The following RTN1 variants were observed in gnomAD, a reference collection of about 807,000 sequenced individuals.
RTN1 encodes the protein reticulon 1.
RTN1 carries 25 observed loss-of-function variants against 65.5 expected under a neutral mutation model. That is an observed-to-expected ratio of 0.38 (90% CI 0.28 to 0.53). The LOEUF (loss-of-function observed/expected upper bound fraction) is 0.53. Ranked by LOEUF, RTN1 falls within the 20% of genes least tolerant of loss-of-function variation. RTN1 has a pLI of 0.79. For missense variants in RTN1, 983 were observed against 1,025.4 expected (o/e 0.96, Z 0.57); for synonymous variants, 471 against 447.6 (o/e 1.05, Z -0.66).
chr14:59,825,429 C>A lies in RTN1; in HGVS notation c.241+44961G>T, dbSNP rs1486219006. Among the ~76,000 whole-genome samples the A allele has an allele frequency of 1.3e-5, 2 of 152,238 alleles. No homozygotes were observed. The highest frequency in any genetic ancestry group is 4.8e-5 in the African/African-American group (2 of 41,468). On this transcript the variant is annotated intron_variant, in intron 1 of 8. Coordinates refer to ENST00000267484, the MANE Select transcript of RTN1 (RefSeq NM_021136.3). This position sits in a 1 kb window ranked among gnomAD's most constrained non-coding sequence, Gnocchi z 4.2. ...AGGTACACAGGAAAATGCTCTGATT[C>A]AGGGAAAGTTGCTATAAAATAGTTT...
At chr14:59,666,946 T>C (rs912525088) in intron 3 of RTN1, among the ~76,000 whole-genome samples, 4 of 116,222 alleles carry the variant, frequency 3.4e-5, no homozygotes, top group Non-Finnish European at 6.6e-5. Flanking sequence ...GAGGCAGTAA[T>C]TAATAGCCGA....
intron 1 of RTN1, among the ~76,000 whole-genome samples, chr14:59,834,503 A>G (rs754613941): frequency 5.3e-5 from 8 of 152,224 alleles, no homozygotes; most frequent in Non-Finnish European, 1.0e-4. Context: ...AGCACTATTG[A>G]AACTCAATAA....
At chr14:59,604,770 T>C (rs1011357851) in intron 5 of RTN1, 2 of 152,268 alleles carry the variant, frequency 1.3e-5, no homozygotes, top group Non-Finnish European at 2.9e-5. Flanking sequence ...CGAATCACGA[T>C]TGACTAACTT....
intron 3 of RTN1, among the ~76,000 whole-genome samples, chr14:59,668,298 C>G (rs760617909): frequency 6.6e-6 from 1 of 152,068 alleles, no homozygotes; most frequent in Non-Finnish European, 1.5e-5. Context: ...GAAATAACAC[C>G]GCACATCTAC....
intron 2 of RTN1, among the ~76,000 whole-genome samples, chr14:59,728,447 A>C (rs1884831044): frequency 6.6e-6 from 1 of 151,228 alleles, no homozygotes; most frequent in African/African-American, 2.4e-5. Context: ...CCTGAGAGTC[A>C]CTCCTGGTCC....
At position 59,750,157 on chromosome 14, in the gene RTN1, A is replaced by AATATATAAT. The variant is rs1566713216; in HGVS notation, c.242-3677_242-3676insATTATATAT. Among the ~76,000 whole-genome samples, 147 of 52,028 alleles carry AATATATAAT rather than the reference A, an allele frequency of 2.8e-3. 2 individuals carry two copies. The highest frequency in any genetic ancestry group is 4.1e-3 in the Admixed American group (11 of 2,692). The allele number at this position is 52,028 out of a possible 152,430, so 34.1% of individuals were successfully genotyped here. A position where few individuals can be genotyped will look rare whatever the true frequency, so the allele number is the denominator to read the frequency against. On this transcript the variant is annotated intron_variant, in intron 1 of 8. Coordinates refer to ENST00000267484, the MANE Select transcript of RTN1 (RefSeq NM_021136.3). Reference sequence around the variant, plus strand: ...AATATATAATATATATATTATAGATAATATATATTATATCTATAATATATA... The same window carrying AATATATAAT: ...AATATATAATATATATATTATAGATAATATATAATATATATATTATATCTATAATATATA...
intron 1 of RTN1, among the ~76,000 whole-genome samples, chr14:59,838,095 CT>C (rs1204996883): frequency 3.9e-5 from 6 of 152,150 alleles, no homozygotes; most frequent in Admixed American, 1.3e-4. Flanking sequence ...GCCTTTGCCC[CT>C]ATCCCTCTCT....
intron 3 of RTN1, 116 bp from the exon 4 acceptor site, chr14:59,607,608 C>T (rs1881804573): frequency 1.2e-6 from 1 of 836,272 alleles, no homozygotes; most frequent in Non-Finnish European, 2.0e-6. Context: ...ATCTGGATTC[C>T]TAAACACAAG....
chr14:59,776,722 A>G (rs1886058216), intron 1 of RTN1, among the ~76,000 whole-genome samples: 1 of 151,630 alleles, frequency 6.6e-6, no homozygotes, highest in South Asian at 2.1e-4. Context: ...GCTTCATGTC[A>G]CTCCTTTCCT....
chr14:59,857,953 C>T (rs967145589), intron 1 of RTN1, among the ~76,000 whole-genome samples: 1 of 152,166 alleles, frequency 6.6e-6, no homozygotes, highest in African/African-American at 2.4e-5. Context: ...CTCACTTCTG[C>T]CCCCTTCCAA....
At chr14:59,610,710 C>T (rs1028665769) in intron 3 of RTN1, among the ~76,000 whole-genome samples, 16 of 152,200 alleles carry the variant, frequency 1.1e-4, no homozygotes, top group Admixed American at 6.5e-5. Context: ...CTCCTTCTTG[C>T]CTGGGGACTA....
rs572368714 is a variant in RTN1, at chr14:59,717,877, G to A, written c.1765+9042C>T. On this transcript the variant is annotated intron_variant, in intron 3 of 8. Coordinates refer to ENST00000267484, the MANE Select transcript of RTN1 (RefSeq NM_021136.3). ...CTGAGGACGTTGAGAGATCAGCCCC[G>A]ACATAGTCCCTAGAGTAATGATTCT... is the stretch of plus-strand genomic sequence containing the variant. Among the ~76,000 whole-genome samples the A allele has an allele frequency of 3.3e-5, 5 of 152,268 alleles. No individual in the cohort carries two copies. In the South Asian group the frequency reaches 6.2e-4, roughly 19 times the overall value.
chr14:59,855,270 T>G (rs1298420229), intron 1 of RTN1, among the ~76,000 whole-genome samples: 1 of 152,216 alleles, frequency 6.6e-6, no homozygotes, highest in East Asian at 1.9e-4. Flanking sequence ...GATTGGTCAT[T>G]TCTATTGTTT....
At chr14:59,748,125 G>A (rs746573425) in intron 1 of RTN1, among the ~76,000 whole-genome samples, 1 of 151,290 alleles carries the variant, frequency 6.6e-6, no homozygotes, top group Non-Finnish European at 1.5e-5. Context: ...GCAGTAAGTG[G>A]TAGAACCAGG....
chr14:59,851,303 G>A (rs968100747), intron 1 of RTN1, among the ~76,000 whole-genome samples: 1 of 152,058 alleles, frequency 6.6e-6, no homozygotes, highest in African/African-American at 2.4e-5. Flanking sequence ...CTTCTGTCTG[G>A]CAGAATGGCA....
At chr14:59,802,183 T>TA (rs539457310) in intron 1 of RTN1, among the ~76,000 whole-genome samples, 75 of 152,310 alleles carry the variant, frequency 4.9e-4, no homozygotes, top group African/African-American at 1.7e-3. Context: ...AATAAAGTCA[T>TA]AAAAATGTAA....
At position 59,803,677 on chromosome 14, in the gene RTN1, C is replaced by T. The variant is rs953325865; in HGVS notation, c.242-57196G>A. Among the ~76,000 whole-genome samples, 1 of 152,172 alleles carries T rather than the reference C, an allele frequency of 6.6e-6. No individual in the cohort carries two copies. The highest frequency in any genetic ancestry group is 1.5e-5 in the Non-Finnish European group (1 of 68,028). Reference sequence around the variant, plus strand: ...TCATCCAGCTCTTTCTGCCTGGATACGTTACACTTTGCTTTTCATTCTAAA... The same window carrying T: ...TCATCCAGCTCTTTCTGCCTGGATATGTTACACTTTGCTTTTCATTCTAAA... On this transcript the variant is annotated intron_variant, in intron 1 of 8. Coordinates refer to ENST00000267484, the MANE Select transcript of RTN1 (RefSeq NM_021136.3). The surrounding 1 kb of genome is among the most constrained non-coding windows in gnomAD (Gnocchi z 5.6).
At chr14:59,648,598 A>G (rs1039079428) in intron 3 of RTN1, among the ~76,000 whole-genome samples, 1 of 152,210 alleles carries the variant, frequency 6.6e-6, no homozygotes, top group Non-Finnish European at 1.5e-5. Flanking sequence ...CATGATCAAG[A>G]AGGCTTTATC....
chr14:59,869,439 G>A (rs1266100284), intron 1 of RTN1, among the ~76,000 whole-genome samples: 1 of 152,058 alleles, frequency 6.6e-6, no homozygotes, highest in Admixed American at 6.6e-5. Flanking sequence ...CGTTAACCAG[G>A]CCGGCAGCCT....
Sources: allele counts gnomAD v4.1 joint callset (sites outside exome capture counted in the v4.1 genomes callset), GRCh38; gene constraint gnomAD v4.1.1; non-coding constraint Gnocchi (gnomAD v3.1); transcripts MANE v1.5; gene names NCBI Gene and HGNC (gene_info 2026-07-23, HGNC 2026-07-21).